Variants in POMGNT1 observed in about 807,000 individuals in gnomAD.
POMGNT1 encodes protein O-linked mannose N-acetylglucosaminyltransferase 1 (beta 1,2-).
In POMGNT1, 67 loss-of-function variants were observed where a neutral mutation model predicts 95.6. The ratio of observed to expected loss-of-function variants is 0.70; its 90% CI spans 0.58 to 0.86. The LOEUF (loss-of-function observed/expected upper bound fraction) is 0.86. POMGNT1 is among the 40% of genes least tolerant of loss of function. The pLI is 0.00. For synonymous variants in POMGNT1, 298 were observed against 317.9 expected (o/e 0.94, Z 0.66); for missense variants, 719 against 855.2 (o/e 0.84, Z 1.99).
chr1:46,207,040 C>T (rs1658738649), intron 1 of POMGNT1, among the ~76,000 whole-genome samples: 1 of 151,916 alleles, frequency 6.6e-6, no homozygotes, highest in Admixed American at 6.6e-5. Context: ...GTTTCCTCTG[C>T]TTGAAATGCT....
intron 20 of POMGNT1, 115 bp downstream of exon 20, chr1:46,189,738 GA>G: frequency 6.4e-7 from 1 of 1,560,358 alleles, no homozygotes; most frequent in Non-Finnish European, 8.7e-7. Flanking sequence ...GGTGTTCTAA[GA>G]GTATAAAGAG....
At chr1:46,216,097 A>G (rs1319194621) in intron 1 of POMGNT1, among the ~76,000 whole-genome samples, 1 of 112,132 alleles carries the variant, frequency 8.9e-6, no homozygotes, top group East Asian at 3.0e-4. Context: ...CCCAGGCTGG[A>G]GTGCAGTGGC....
chr1:46,190,644 G>A (rs993804092), intron 18 of POMGNT1, 76 bp downstream of exon 18: 15 of 1,539,836 alleles, frequency 9.7e-6, no homozygotes, highest in Non-Finnish European at 2.7e-6. Context: ...CACAGGCCCA[G>A]CATTGGAAGG....
intron 1 of POMGNT1, among the ~76,000 whole-genome samples, chr1:46,214,068 G>A (rs1658984953): frequency 6.6e-6 from 1 of 152,100 alleles, no homozygotes; most frequent in African/African-American, 2.4e-5. Context: ...ACTTGAGGCC[G>A]GGCATGGTGG....
Position 46,197,629 on chromosome 1 carries a change from C to T in POMGNT1, c.120+73G>A, listed in dbSNP as rs1658348582. On this transcript the variant is annotated intron_variant, in intron 2 of 21. Coordinates refer to ENST00000371984, the MANE Select transcript of POMGNT1 (RefSeq NM_017739.4). ...CCACTGGGGCTGGCCAACAGGGGTC[C>T]CAGTGCCTGATTTAGGTGGGGAGGA... 3.1e-6 allele frequency: 5 copies of T among 1,603,900 alleles called. No individual in the cohort carries two copies. In the African/African-American group the frequency reaches 5.3e-5, roughly 17 times the overall value.
At chr1:46,214,248 A>G (rs1658991823) in intron 1 of POMGNT1, among the ~76,000 whole-genome samples, 1 of 151,774 alleles carries the variant, frequency 6.6e-6, no homozygotes, top group African/African-American at 2.4e-5. Flanking sequence ...CAGAAGGTTG[A>G]GGCATGAGAA....
chr1:46,189,881 GTCA>G lies in POMGNT1; in HGVS notation c.1755_1757del (p.Asp586del), dbSNP rs777715386. ...TGGCAAGCTGGGTCCAGGTGGTGAA[GTCA>G]TCATCTTTCTCCATTCGAATAAAGG... On this transcript the variant is annotated inframe_deletion, in exon 20 of 22. Transcript: ENST00000371984. 5 of 1,613,846 alleles carry G rather than the reference GTCA, an allele frequency of 3.1e-6. No homozygotes were observed. The highest frequency in any genetic ancestry group is 4.2e-6 in the Non-Finnish European group (5 of 1,180,028).
At chr1:46,210,363 C>A (rs532315079) in intron 1 of POMGNT1, among the ~76,000 whole-genome samples, 1 of 152,262 alleles carries the variant, frequency 6.6e-6, no homozygotes, top group Non-Finnish European at 1.5e-5. Context: ...TTCCCACCAG[C>A]AAGCAAGCAA....
upstream of POMGNT1, among the ~76,000 whole-genome samples, chr1:46,202,911 G>GGGGT (rs1553164817): frequency 1.8e-5 from 2 of 109,198 alleles, 1 homozygote; most frequent in Non-Finnish European, 3.9e-5. Flanking sequence ...GCCCCTGGGG[G>GGGGT]GGGGGGGTGG....
At chr1:46,212,390 C>T (rs1408863683) in intron 1 of POMGNT1, among the ~76,000 whole-genome samples, 1 of 151,716 alleles carries the variant, frequency 6.6e-6, no homozygotes, top group Admixed American at 6.6e-5. Flanking sequence ...ATGCCATTCT[C>T]CTGCCTCAGC....
intron 1 of POMGNT1, among the ~76,000 whole-genome samples, chr1:46,219,264 C>T (rs1431797720): frequency 6.7e-6 from 1 of 150,130 alleles, no homozygotes; most frequent in Non-Finnish European, 1.5e-5. Context: ...CATTGCACTC[C>T]ATCCTGGACA....
Position 46,192,196 on chromosome 1 carries a change from T to C in POMGNT1, c.1441A>G (p.Met481Val). The C allele has an allele frequency of 6.2e-7, 1 of 1,614,178 alleles. No individual in the cohort carries two copies. Among genetic ancestry groups the C allele is most frequent in the African/African-American group, 1.3e-5 (1 of 75,032 alleles). Residue 481 changes from methionine to valine, a missense_variant, in exon 17 of 22, where the codon ATG becomes GTG. Physicochemically the swap from Met to Val is conservative, Grantham distance 21. Coordinates refer to ENST00000371984, the MANE Select transcript of POMGNT1 (RefSeq NM_017739.4). ...KLWDWDMWMR[M>V]PEQRRGRECI... Reference sequence around the variant, plus strand: ...TCTCGGCCCCGGCGTTGTTCAGGCATCCGCATCCACATGTCCCAATCCCAG... The same window carrying C: ...TCTCGGCCCCGGCGTTGTTCAGGCACCCGCATCCACATGTCCCAATCCCAG...
Position 46,189,242 on chromosome 1 carries a change from C to T in POMGNT1, c.*28G>A, listed in dbSNP as rs1657547284. On this transcript the variant is annotated 3_prime_UTR_variant, in exon 22 of 22. Transcript: ENST00000371984. Reference sequence around the variant, plus strand: ...TAGCCAGCCTGGGGGTACACAGTACCCAGCCCCGCAGGGTCCTGGAGGAGG... The same window carrying T: ...TAGCCAGCCTGGGGGTACACAGTACTCAGCCCCGCAGGGTCCTGGAGGAGG... 1 of 1,605,922 alleles carries T rather than the reference C, an allele frequency of 6.2e-7. No homozygotes were observed. The highest frequency in any genetic ancestry group is 8.5e-7 in the Non-Finnish European group (1 of 1,176,698).
chr1:46,215,678 C>G (rs1659042237), intron 1 of POMGNT1, among the ~76,000 whole-genome samples: 1 of 152,182 alleles, frequency 6.6e-6, no homozygotes, highest in Non-Finnish European at 1.5e-5. Context: ...ATGGGCAGAT[C>G]CCTTGAGCTC....
At chr1:46,204,623 C>T (rs548009008) in intron 1 of POMGNT1, among the ~76,000 whole-genome samples, 21 of 152,134 alleles carry the variant, frequency 1.4e-4, no homozygotes, top group South Asian at 6.2e-4. Flanking sequence ...GGCTCCGACG[C>T]CTGAGCTGAG....
intron 1 of POMGNT1, among the ~76,000 whole-genome samples, chr1:46,209,549 CT>C (rs397745964): frequency 6.4e-4 from 82 of 127,540 alleles, no homozygotes; most frequent in African/African-American, 1.1e-3. Context: ...TTTTTTTTTT[CT>C]TTTTTTTTTT....
chr1:46,194,945 T>A lies in POMGNT1; in HGVS notation c.551A>T (p.His184Leu), dbSNP rs777419656. ...CAGAGCCTTGGCTGTGTCCTTGAGG[T>A]GGAAGGAGCCCTCATCCTGGGGGAC... Reference protein sequence around the residue: ...ICTVKDEGSFHLKDTAKALLR... With the variant: ...ICTVKDEGSFLLKDTAKALLR... The change falls in exon 7 of 22, where the codon CAC becomes CTC. Residue 184 changes from histidine (H) to leucine (L), a missense_variant. By Grantham distance (99) the His-to-Leu change is moderately conservative. Around this residue, in one of 5 missense-constraint regions of POMGNT1, gnomAD observed 466 missense variants for 517.4 expected, o/e 0.90. Coordinates refer to ENST00000371984, the MANE Select transcript of POMGNT1 (RefSeq NM_017739.4). 6.2e-7 allele frequency: 1 copy of A among 1,614,072 alleles called. No individual in the cohort carries two copies. Among genetic ancestry groups the A allele is most frequent in the Non-Finnish European group, 8.5e-7 (1 of 1,180,030 alleles).
At chr1:46,198,483 CT>C (rs1460822026), upstream of POMGNT1, 1 of 149,492 alleles carries the variant, frequency 6.7e-6, no homozygotes, top group Non-Finnish European at 1.5e-5. Flanking sequence ...GCCGCCGCCG[CT>C]GCCGCGGGGT....
rs777214318 is a variant in POMGNT1, at chr1:46,189,925, C to T, written c.1714G>A (p.Gly572Ser). ...CGAATAAAGGCCACGTAGGTGTGGC[C>T]CTCTGTGTCTGGCAGGAAAGAGTCT... Reference protein sequence around the residue: ...CEDSFLPDTEGHTYVAFIRME... With the variant: ...CEDSFLPDTESHTYVAFIRME... Residue 572 changes from glycine to serine, a missense_variant, in exon 20 of 22, where the codon GGC becomes AGC. Physicochemically the swap from Gly to Ser is moderately conservative, Grantham distance 56. Coordinates refer to ENST00000371984, the MANE Select transcript of POMGNT1 (RefSeq NM_017739.4). 6.2e-7 allele frequency: 1 copy of T among 1,614,006 alleles called. No individual in the cohort carries two copies. The highest frequency in any genetic ancestry group is 8.5e-7 in the Non-Finnish European group (1 of 1,180,016).
Sources: allele counts gnomAD v4.1 joint callset (sites outside exome capture counted in the v4.1 genomes callset), GRCh38; gene constraint gnomAD v4.1.1; regional missense constraint gnomAD v4.1.1; transcripts MANE v1.5; gene names NCBI Gene and HGNC (gene_info 2026-07-23, HGNC 2026-07-21).